The following PTPRD variants were observed in gnomAD, a reference collection of about 807,000 sequenced individuals.
The protein encoded by PTPRD is protein tyrosine phosphatase receptor type D, also known as receptor-type tyrosine-protein phosphatase delta.
Under a neutral mutation model 214.5 loss-of-function variants are expected in PTPRD, and 34 were observed. The observed-to-expected ratio is 0.16, with a 90% CI of 0.12 to 0.21. The LOEUF (loss-of-function observed/expected upper bound fraction) is 0.21, where lower values mean the gene tolerates loss of function less well. Ranked by LOEUF, PTPRD falls within the 10% of genes least tolerant of loss-of-function variation. The probability of loss-of-function intolerance (pLI) is 1.00; values close to 1 mark genes in which losing one functional copy is unlikely to be tolerated. For missense variants in PTPRD, 2,545 were observed against 2,398.7 expected, an observed-to-expected ratio of 1.06 and a Z score of -1.27; for synonymous variants, 1,128 against 845.7, an observed-to-expected ratio of 1.33 and a Z score of -5.79.
At chr9:10,520,875 C>G (rs1223416897) in intron 2 of PTPRD, among the ~76,000 whole-genome samples, 2 of 151,572 alleles carry the variant, frequency 1.3e-5, no homozygotes, top group African/African-American at 4.9e-5. Flanking sequence ...TGAGACCACC[C>G]TGCTCAGAGA....
chr9:8,837,067 C>G (rs536308116), intron 11 of PTPRD, among the ~76,000 whole-genome samples: 3 of 148,262 alleles, frequency 2.0e-5, no homozygotes, highest in South Asian at 4.3e-4. Context: ...GCTGTGTCAC[C>G]CAGGCTGGAG....
intron 8 of PTPRD, among the ~76,000 whole-genome samples, chr9:9,477,317 A>G (rs10977810): frequency 0.69 from 105,174 of 151,872 alleles, 36,492 homozygotes; most frequent in South Asian, 0.73. Context: ...GATATCACCC[A>G]TTGAGATTAA....
At chr9:9,983,820 G>C (rs918534207) in intron 4 of PTPRD, among the ~76,000 whole-genome samples, 1 of 152,154 alleles carries the variant, frequency 6.6e-6, no homozygotes, top group Non-Finnish European at 1.5e-5. Flanking sequence ...TGAAAACTAG[G>C]ATATTGGAGT....
chr9:9,065,598 A>G (rs1380612311), intron 10 of PTPRD, among the ~76,000 whole-genome samples: 2 of 152,188 alleles, frequency 1.3e-5, no homozygotes, highest in Admixed American at 1.3e-4. Flanking sequence ...GTTATAATGT[A>G]CAGACTTACT....
intron 9 of PTPRD, among the ~76,000 whole-genome samples, chr9:9,237,334 G>A (rs1334154529): frequency 1.3e-5 from 2 of 152,094 alleles, no homozygotes; most frequent in South Asian, 2.1e-4. Flanking sequence ...GGAGGCCAAG[G>A]CAGGAGGATC....
intron 3 of PTPRD, among the ~76,000 whole-genome samples, chr9:10,163,357 G>C (rs908024647): frequency 6.6e-6 from 1 of 151,128 alleles, no homozygotes; most frequent in Non-Finnish European, 1.5e-5. Context: ...GCCATCATTT[G>C]AAATAAATGT....
chr9:10,387,185 TG>T (rs1167144363), intron 2 of PTPRD, among the ~76,000 whole-genome samples: 13 of 151,892 alleles, frequency 8.6e-5, no homozygotes, highest in African/African-American at 3.1e-4. Flanking sequence ...AATAAATTTG[TG>T]TTGTTTTAAG....
chr9:10,162,503 T>C (rs577403255), intron 3 of PTPRD, among the ~76,000 whole-genome samples: 1 of 150,916 alleles, frequency 6.6e-6, no homozygotes, highest in Non-Finnish European at 1.5e-5. Context: ...GGAGATCTTA[T>C]GAAGACAGAC....
chr9:8,336,483 TG>T (rs1846846882), intron 43 of PTPRD, among the ~76,000 whole-genome samples: 1 of 140,928 alleles, frequency 7.1e-6, no homozygotes, highest in Non-Finnish European at 1.5e-5. Flanking sequence ...TGTAAAATGA[TG>T]AAAACCCCTA....
chr9:9,360,193 T>C (rs1192906543), intron 9 of PTPRD, among the ~76,000 whole-genome samples: 2 of 151,132 alleles, frequency 1.3e-5, no homozygotes, highest in Admixed American at 6.6e-5. Context: ...TATTTTTCAT[T>C]TTGAGCATTG....
chr9:8,669,880 G>A (rs752037831), intron 12 of PTPRD, among the ~76,000 whole-genome samples: 120 of 152,032 alleles, frequency 7.9e-4, no homozygotes, highest in Non-Finnish European at 1.5e-3. Flanking sequence ...AAGGAGGAGT[G>A]GGAAGTTAAT....
At chr9:8,437,128 C>T in intron 34 of PTPRD, 2 of 1,067,314 alleles carry the variant, frequency 1.9e-6, no homozygotes, top group Non-Finnish European at 2.7e-6. Flanking sequence ...CTGAGAAAGG[C>T]CTAAAAGGGA....
At chr9:9,303,139 C>G (rs1956039409) in intron 9 of PTPRD, among the ~76,000 whole-genome samples, 1 of 151,992 alleles carries the variant, frequency 6.6e-6, no homozygotes, top group Non-Finnish European at 1.5e-5. Context: ...TGGAAATAAA[C>G]TGAATGAAGC....
chr9:9,785,063 A>G (rs918661123), intron 5 of PTPRD, among the ~76,000 whole-genome samples: 1 of 151,694 alleles, frequency 6.6e-6, no homozygotes, highest in Non-Finnish European at 1.5e-5. Flanking sequence ...CTTTAGAAAG[A>G]ATGAAAGAAA....
intron 5 of PTPRD, among the ~76,000 whole-genome samples, chr9:9,807,588 C>A (rs2045852159): frequency 6.6e-6 from 1 of 152,090 alleles, no homozygotes; most frequent in Non-Finnish European, 1.5e-5. Context: ...CAGCATTTAC[C>A]CTGAGATAAC....
intron 11 of PTPRD, among the ~76,000 whole-genome samples, chr9:8,966,500 C>A (rs750377517): frequency 1.3e-5 from 2 of 151,488 alleles, no homozygotes; most frequent in Non-Finnish European, 2.9e-5. Flanking sequence ...TCAAAAATAA[C>A]CAGTGGGGAA....
chr9:8,985,415 A>T (rs1008643943), intron 11 of PTPRD, among the ~76,000 whole-genome samples: 3 of 152,090 alleles, frequency 2.0e-5, no homozygotes, highest in Non-Finnish European at 4.4e-5. Context: ...ACCAACATAG[A>T]TCCATTAATA....
intron 35 of PTPRD, among the ~76,000 whole-genome samples, chr9:8,408,702 A>T (rs186557533): frequency 6.6e-6 from 1 of 152,286 alleles, no homozygotes; most frequent in African/African-American, 2.4e-5. Context: ...TAGCGTCTAA[A>T]GTTTTACCAA....
At chr9:9,364,497 T>C (rs941060128) in intron 9 of PTPRD, among the ~76,000 whole-genome samples, 1 of 151,304 alleles carries the variant, frequency 6.6e-6, no homozygotes, top group Non-Finnish European at 1.5e-5. Context: ...TTTGAGCAAA[T>C]TGTTGAATGG....
Sources: allele counts gnomAD v4.1 joint callset (sites outside exome capture counted in the v4.1 genomes callset), GRCh38; gene constraint gnomAD v4.1.1; transcripts MANE v1.5; gene names NCBI Gene and HGNC (gene_info 2026-07-23, HGNC 2026-07-21).